SEC24A: variants seen among roughly 807,000 people sequenced by gnomAD.
SEC24A encodes the protein protein transport protein Sec24A.
In SEC24A, 93 loss-of-function variants were observed where a neutral mutation model predicts 129.4. The ratio of observed to expected loss-of-function variants is 0.72; its 90% CI spans 0.61 to 0.85. SEC24A has a LOEUF of 0.85. Among genes scored for constraint, SEC24A ranks in the 40% least tolerant of loss-of-function variants. SEC24A has a pLI of 0.00. For missense variants in SEC24A, 1,264 were observed against 1,307.4 expected (o/e 0.97, Z 0.51); for synonymous variants, 460 against 467.3 (o/e 0.98, Z 0.20).
Position 134,661,606 on chromosome 5 carries a change from G to A in SEC24A, c.565+20G>A, listed in dbSNP as rs1256458880. The A allele has an allele frequency of 6.5e-7, 1 of 1,549,306 alleles. No homozygotes were observed. The highest frequency in any genetic ancestry group is 8.9e-7 in the Non-Finnish European group (1 of 1,125,652). On this transcript the variant is annotated intron_variant, in intron 2 of 22. Coordinates refer to ENST00000398844, the MANE Select transcript of SEC24A (RefSeq NM_021982.3). ...AGTCAGGTAGTATTCTTATAGAAGT[G>A]CTTAAAATGTAGAAATGTGAAACTT...
At chr5:134,721,858 C>T (rs1752637220) in intron 21 of SEC24A, among the ~76,000 whole-genome samples, 1 of 152,004 alleles carries the variant, frequency 6.6e-6, no homozygotes, top group Admixed American at 6.6e-5. Flanking sequence ...GGCAACAGAG[C>T]AAGAACCTGT....
Position 134,705,329 on chromosome 5 carries a change from G to A in SEC24A, c.2443G>A (p.Glu815Lys), listed in dbSNP as rs764642106. 1.1e-5 allele frequency: 18 copies of A among 1,611,034 alleles called. No individual in the cohort carries two copies. Among genetic ancestry groups the A allele is most frequent in the Non-Finnish European group, 1.4e-5 (17 of 1,177,810 alleles). Residue 815 changes from glutamate to lysine, a missense_variant and splice_region_variant, in exon 17 of 23, where the codon GAA (glutamate) becomes AAA (lysine). Physicochemically the swap from Glu to Lys is moderately conservative, Grantham distance 56. Coordinates refer to ENST00000398844, the MANE Select transcript of SEC24A (RefSeq NM_021982.3). ...SALLYTSSKG[E>K]RRIRVHTLCL... ...TTGTTTGTGTATTTTCCCCAAAGGC[G>A]AAAGAAGAATTCGTGTTCATACTTT...
At position 134,726,697 on chromosome 5, in the gene SEC24A, T is replaced by C. The variant is rs1325580962; in HGVS notation, c.*1603T>C. 6.6e-6 allele frequency: 1 copy of C among 152,214 alleles called. No individual in the cohort carries two copies. The highest frequency in any genetic ancestry group is 1.9e-4 in the East Asian group (1 of 5,206). The allele number at this position is 152,214 out of a possible 1,614,324, so 9.4% of individuals were successfully genotyped here. On this transcript the variant is annotated 3_prime_UTR_variant, in exon 23 of 23. Transcript: ENST00000398844. ...GCTGCTTCATCTATTAAGAAGCAAT[T>C]TTCAAATTGTAGCGAATTATATTAT... is the stretch of plus-strand genomic sequence containing the variant.
At chr5:134,655,613 A>T (rs1393873845) in intron 1 of SEC24A, among the ~76,000 whole-genome samples, 1 of 152,158 alleles carries the variant, frequency 6.6e-6, no homozygotes, top group Non-Finnish European at 1.5e-5. Flanking sequence ...GGTTGCAGTG[A>T]GCCGAGATCA....
intron 1 of SEC24A, among the ~76,000 whole-genome samples, chr5:134,652,296 G>GT (rs1235924005): frequency 6.6e-6 from 1 of 151,908 alleles, no homozygotes; most frequent in Non-Finnish European, 1.5e-5. Flanking sequence ...GTTTGCTTTT[G>GT]TTTTTTGTTT....
intron 9 of SEC24A, 134 bp downstream of exon 9, chr5:134,682,616 G>C (rs1751314660): frequency 1.9e-6 from 1 of 535,206 alleles, no homozygotes; most frequent in Non-Finnish European, 3.3e-6. Flanking sequence ...GCCCATGCTG[G>C]AGTGCAGTGG....
intron 14 of SEC24A, 101 bp from the exon 15 acceptor site, chr5:134,697,798 C>A: frequency 8.1e-7 from 1 of 1,233,872 alleles, no homozygotes; most frequent in African/African-American, 1.5e-5. Context: ...AGTAGTTTAC[C>A]TTGGAAAGTT....
Position 134,698,001 on chromosome 5 carries a change from G to T in SEC24A, c.2210G>T (p.Arg737Ile). ...CAGAAATTACAGAAGGAACTACAGA[G>T]ATACCTTACTCGGAAGATTGGCTTT... ...QVQKLQKELQ[R>I]YLTRKIGFEA... The change falls in exon 15 of 23, where the codon AGA becomes ATA. Residue 737 changes from arginine to isoleucine, a missense_variant. Arg to Ile is a moderately conservative substitution (Grantham distance 97). Coordinates refer to ENST00000398844, the MANE Select transcript of SEC24A (RefSeq NM_021982.3). 2 of 1,613,866 alleles carry T rather than the reference G, an allele frequency of 1.2e-6. No individual in the cohort carries two copies. The highest frequency in any genetic ancestry group is 2.2e-5 in the South Asian group (2 of 91,060).
At chr5:134,693,605 G>C in intron 12 of SEC24A, 122 bp from the exon 13 acceptor site, 1 of 1,449,124 alleles carries the variant, frequency 6.9e-7, no homozygotes, top group Non-Finnish European at 9.0e-7. Context: ...TCATTGTTTA[G>C]TGTCTGTAGA....
At chr5:134,691,108 C>T (rs1192876846) in intron 11 of SEC24A, among the ~76,000 whole-genome samples, 4 of 151,846 alleles carry the variant, frequency 2.6e-5, no homozygotes, top group African/African-American at 4.8e-5. Context: ...CCACCTCGGC[C>T]TCCCAAAGTG....
At position 134,661,457 on chromosome 5, in the gene SEC24A, G is replaced by A. The variant is rs548603663; in HGVS notation, c.436G>A (p.Ala146Thr). The A allele has an allele frequency of 7.4e-5, 120 of 1,614,140 alleles. 2 individuals carry two copies. In the South Asian group the frequency reaches 1.1e-3, roughly 15 times the overall value. Reference sequence around the variant, plus strand: ...TTGGCAATATAACTATCCATCCACAGCCTCACAAACAAACCATTGTCCTCG... The same window carrying A: ...TTGGCAATATAACTATCCATCCACAACCTCACAAACAAACCATTGTCCTCG... Reference protein sequence around the residue: ...LNWQYNYPSTASQTNHCPRAS... With the variant: ...LNWQYNYPSTTSQTNHCPRAS... The change falls in exon 2 of 23, where the codon GCC (alanine) becomes ACC (threonine). Residue 146 changes from alanine (A) to threonine (T), a missense_variant. Ala to Thr is a moderately conservative substitution (Grantham distance 58, BLOSUM62 0). Transcript: ENST00000398844.
chr5:134,727,633 A>G lies in SEC24A; in HGVS notation c.*2539A>G, dbSNP rs1050939791. 1 of 152,618 alleles carries G rather than the reference A, an allele frequency of 6.6e-6. No homozygotes were observed. Among genetic ancestry groups the G allele is most frequent in the Non-Finnish European group, 1.5e-5 (1 of 68,024 alleles). 9.5% of individuals were successfully genotyped at this position (152,618 alleles called of 1,614,324 possible). ...TAACTATTACAAATGTAATCCTTAT[A>G]TAGAAATTTTAATTTTGTAAAGTAG... is the stretch of plus-strand genomic sequence containing the variant. On this transcript the variant is annotated 3_prime_UTR_variant, in exon 23 of 23. Transcript: ENST00000398844.
chr5:134,669,388 A>G (rs973932077), intron 3 of SEC24A, among the ~76,000 whole-genome samples: 1 of 150,810 alleles, frequency 6.6e-6, no homozygotes, highest in African/African-American at 2.4e-5. Context: ...CTGGTCTCGA[A>G]CTCCTGACCT....
At chr5:134,697,350 C>A in intron 14 of SEC24A, 104 bp downstream of exon 14, 1 of 942,752 alleles carries the variant, frequency 1.1e-6, no homozygotes, top group Non-Finnish European at 1.6e-6. Flanking sequence ...ATATGTATGC[C>A]CTTGGGAAAG....
intron 3 of SEC24A, among the ~76,000 whole-genome samples, chr5:134,671,306 C>A (rs142304836): frequency 6.6e-6 from 1 of 152,072 alleles, no homozygotes; most frequent in Non-Finnish European, 1.5e-5. Flanking sequence ...GTGATCCGCC[C>A]GCCTTGGCCT....
chr5:134,684,228 G>A (rs1204290891), intron 9 of SEC24A, among the ~76,000 whole-genome samples: 11 of 149,436 alleles, frequency 7.4e-5, no homozygotes, highest in African/African-American at 2.5e-4. Flanking sequence ...GCTTGAAACC[G>A]AAAGTCAGAG....
In SEC24A at chr5:134,697,997, C is replaced by T. The variant is rs1311474481; in HGVS notation, c.2206C>T (p.Gln736Ter). 1 of 1,613,818 alleles carries T rather than the reference C, an allele frequency of 6.2e-7. No homozygotes were observed. Among genetic ancestry groups the T allele is most frequent in the Non-Finnish European group, 8.5e-7 (1 of 1,179,940 alleles). ...VQVQKLQKEL[Q>*]RYLTRKIGFE... ...AGTACAGAAATTACAGAAGGAACTA[C>T]AGAGATACCTTACTCGGAAGATTGG... Residue 736 changes from glutamine (Q) to a stop codon, truncating the protein, a stop_gained, in exon 15 of 23, where the codon CAG becomes TAG. Coordinates refer to ENST00000398844, the MANE Select transcript of SEC24A (RefSeq NM_021982.3). LOFTEE classifies it high-confidence loss of function.
chr5:134,723,653 A>G lies in SEC24A; in HGVS notation c.3150A>G (p.Pro1050=). 6.2e-7 allele frequency: 1 copy of G among 1,602,054 alleles called. No individual in the cohort carries two copies. The highest frequency in any genetic ancestry group is 8.6e-7 in the Non-Finnish European group (1 of 1,169,258). ...TTAGAGAGCAGAGACCATTTTTCCC[A>G]ATACTTTATGTAATAAGGTAAGTTG... The part of the protein sequence containing the change: ...SWLREQRPFF[P]ILYVIRDESP... Residue 1050 remains proline, a synonymous_variant, in exon 22 of 23, where the codon CCA becomes CCG. Coordinates refer to ENST00000398844, the MANE Select transcript of SEC24A (RefSeq NM_021982.3).
At chr5:134,669,091 T>C (rs1056482613) in intron 3 of SEC24A, among the ~76,000 whole-genome samples, 2 of 151,404 alleles carry the variant, frequency 1.3e-5, no homozygotes, top group African/African-American at 2.4e-5. Context: ...AGTATCAAAA[T>C]GATGAGGCAT....
Sources: gnomAD v4.1 joint callset for allele counts (sites outside exome capture counted in the v4.1 genomes callset) on GRCh38, gnomAD v4.1.1 for gene constraint, MANE v1.5 for transcripts, NCBI Gene and HGNC (gene_info 2026-07-23, HGNC 2026-07-21) for gene names.